The following TBC1D8 variants were observed in gnomAD, a reference collection of about 807,000 sequenced individuals.
TBC1D8 encodes the protein BUB2-like protein 1.
In TBC1D8, 65 loss-of-function variants were observed where a neutral mutation model predicts 118.8. The ratio of observed to expected loss-of-function variants is 0.55; its 90% CI spans 0.45 to 0.67. The LOEUF is 0.67. Ranked by LOEUF, TBC1D8 falls within the 30% of genes least tolerant of loss-of-function variation. The probability of loss-of-function intolerance (pLI) is 0.00; values close to 1 mark genes in which losing one functional copy is unlikely to be tolerated. For synonymous variants in TBC1D8, 566 were observed against 595.8 expected (o/e 0.95, Z 0.73); for missense variants, 1,376 against 1,471.2 (o/e 0.94, Z 1.06).
rs77974585 is a variant in TBC1D8 at position 101,059,938 on chromosome 2, CA to C, written c.284-400del. 4.7e-3 allele frequency among the ~76,000 whole-genome samples: 670 copies of C among 142,722 alleles called. 5 individuals are homozygous for C. Among genetic ancestry groups the C allele is most frequent in the African/African-American group, 0.012 (484 of 39,058 alleles). 93.6% of individuals were successfully genotyped at this position (142,722 alleles called of 152,430 possible). ...TGGGCGAGAGTGCGAGACTCCGTCTCAAAAAAAAAAAAATCTTGCCTCTCAT... is the reference window on the plus strand; with the variant it reads ...TGGGCGAGAGTGCGAGACTCCGTCTCAAAAAAAAAAAATCTTGCCTCTCAT... On this transcript the variant is annotated intron_variant, in intron 2 of 19. Transcript: ENST00000409318.
At chr2:101,136,674 T>C (rs1486512662) in intron 1 of TBC1D8, among the ~76,000 whole-genome samples, 1 of 152,172 alleles carries the variant, frequency 6.6e-6, no homozygotes, top group Non-Finnish European at 1.5e-5. Flanking sequence ...TGTGCATACA[T>C]ACAATTTTGG....
chr2:101,018,949 G>T (rs778075128), intron 17 of TBC1D8: 1 of 1,599,862 alleles, frequency 6.3e-7, no homozygotes, highest in Non-Finnish European at 8.5e-7. Context: ...CTCTTCGTCT[G>T]TGTGTTACCT....
intron 17 of TBC1D8, chr2:101,018,224 G>A (rs1679798239): frequency 7.6e-6 from 2 of 264,226 alleles, no homozygotes. Context: ...CATCACTAAT[G>A]AAACATTTGT....
intron 1 of TBC1D8, among the ~76,000 whole-genome samples, chr2:101,133,041 T>A (rs907154766): frequency 4.9e-4 from 74 of 151,130 alleles, no homozygotes; most frequent in African/African-American, 1.7e-3. Context: ...GCGCCTGTAA[T>A]CCCAGCTACT....
intron 1 of TBC1D8, among the ~76,000 whole-genome samples, chr2:101,117,771 T>A (rs1677892266): frequency 6.6e-6 from 1 of 151,740 alleles, no homozygotes; most frequent in South Asian, 2.1e-4. Context: ...GAGATGGGGT[T>A]TCACTCTGTC....
chr2:101,123,362 C>T (rs1048696174), intron 1 of TBC1D8, among the ~76,000 whole-genome samples: 2 of 152,166 alleles, frequency 1.3e-5, no homozygotes, highest in East Asian at 1.9e-4. Flanking sequence ...GCTAGGACTT[C>T]CAGCAGTATT....
intron 5 of TBC1D8, among the ~76,000 whole-genome samples, chr2:101,049,708 A>C (rs1034841960): frequency 6.6e-6 from 1 of 151,980 alleles, no homozygotes; most frequent in Non-Finnish European, 1.5e-5. Flanking sequence ...AGCCTGGGGG[A>C]CAGAGAGATT....
At chr2:101,040,955 A>C (rs1022418820) in intron 5 of TBC1D8, among the ~76,000 whole-genome samples, 35 of 152,362 alleles carry the variant, frequency 2.3e-4, no homozygotes, top group African/African-American at 7.7e-4. Context: ...TCACAGGCCA[A>C]ATAAGCATTC....
In TBC1D8 at chr2:101,037,547, G is replaced by T; in HGVS notation, c.1437C>A (p.Ser479Arg). ...VTAFQQSGSQ[S>R]PDSRMSREQI... ...CGTCACCCACCATTCGGGAGTCAGG[G>T]CTCTGGCTGCCTGACTGCTGGAAGG... The change falls in exon 8 of 20, where the codon AGC becomes AGA. Residue 479 changes from serine to arginine, a missense_variant. Physicochemically the swap from Ser to Arg is moderately radical, Grantham distance 110 (BLOSUM62 -1). Coordinates refer to ENST00000409318, the MANE Select transcript of TBC1D8 (RefSeq NM_001330348.2). 6.2e-7 allele frequency: 1 copy of T among 1,612,486 alleles called. No homozygotes were observed.
intron 11 of TBC1D8, 197 bp from the exon 12 acceptor site, chr2:101,029,973 AT>A: frequency 1.9e-6 from 1 of 532,736 alleles, no homozygotes. Context: ...TTTAAAAAAA[AT>A]ACTGCTTGAT....
chr2:101,124,293 A>G (rs1678259074), intron 1 of TBC1D8, among the ~76,000 whole-genome samples: 1 of 152,232 alleles, frequency 6.6e-6, no homozygotes, highest in African/African-American at 2.4e-5. Flanking sequence ...AAGAATTGTC[A>G]TGATTACATA....
At chr2:101,020,771 T>A (rs13389967) in intron 17 of TBC1D8, among the ~76,000 whole-genome samples, 28,006 of 152,060 alleles carry the variant, frequency 0.18, 2,771 homozygotes, top group Middle Eastern at 0.32. Context: ...CTGAGTAATA[T>A]TTTGAAATCT....
chr2:101,106,955 G>A (rs1677261984), intron 1 of TBC1D8, among the ~76,000 whole-genome samples: 1 of 152,248 alleles, frequency 6.6e-6, no homozygotes, highest in African/African-American at 2.4e-5. Flanking sequence ...TAAGGTGGGT[G>A]AGGCTAAGCT....
Position 101,007,804 on chromosome 2 carries a change from T to G in TBC1D8, c.*17A>C, listed in dbSNP as rs199637281. On this transcript the variant is annotated 3_prime_UTR_variant, in exon 20 of 20. Transcript: ENST00000409318. ...TTGGTATGGTGGACTCCAGTGTGCA[T>G]AGCAGCTGCTGTCTTGCTACAAGTT... 96 of 1,609,978 alleles carry G rather than the reference T, an allele frequency of 6.0e-5. No homozygotes were observed. The African/African-American group carries it at 1.1e-3, about 18-fold the overall frequency.
intron 1 of TBC1D8, among the ~76,000 whole-genome samples, chr2:101,137,730 C>A (rs993382717): frequency 2.0e-5 from 3 of 152,226 alleles, no homozygotes; most frequent in Non-Finnish European, 4.4e-5. Flanking sequence ...TTACCCCAGA[C>A]AAGACAGTAC....
At chr2:101,150,542 AG>A (rs1343775324) in intron 1 of TBC1D8, among the ~76,000 whole-genome samples, 1 of 152,160 alleles carries the variant, frequency 6.6e-6, no homozygotes, top group African/African-American at 2.4e-5. Context: ...ACTGAAAGAG[AG>A]GAAAAAACTG....
intron 2 of TBC1D8, among the ~76,000 whole-genome samples, chr2:101,062,298 G>A (rs559519525): frequency 1.3e-4 from 19 of 148,920 alleles, no homozygotes; most frequent in Non-Finnish European, 2.2e-4. Context: ...CTGTCACTCA[G>A]AATAAAGAAA....
At chr2:101,082,330 C>T (rs894236422) in intron 2 of TBC1D8, among the ~76,000 whole-genome samples, 1 of 152,060 alleles carries the variant, frequency 6.6e-6, no homozygotes, top group African/African-American at 2.4e-5. Context: ...GTAGAAATGG[C>T]AATGAAGTCT....
rs901446194 is a variant in TBC1D8 at position 101,040,462 on chromosome 2, T to C, written c.873-77A>G. ...GCCAAGATTACAAAGGAAAATACTTTTCCTTTTTTGTTTCATTTTATTTTT... is the reference window on the plus strand; with the variant it reads ...GCCAAGATTACAAAGGAAAATACTTCTCCTTTTTTGTTTCATTTTATTTTT... On this transcript the variant is annotated intron_variant, in intron 5 of 19. Coordinates refer to ENST00000409318, the MANE Select transcript of TBC1D8 (RefSeq NM_001330348.2). 11 of 1,403,986 alleles carry C rather than the reference T, an allele frequency of 7.8e-6. No homozygotes were observed. The East Asian group carries it at 2.8e-4, about 35-fold the overall frequency. The allele number at this position is 1,403,986 out of a possible 1,614,324, so 87.0% of individuals were successfully genotyped here.
Sources: gnomAD v4.1 joint callset for allele counts (sites outside exome capture counted in the v4.1 genomes callset) on GRCh38, gnomAD v4.1.1 for gene constraint, MANE v1.5 for transcripts, NCBI Gene and HGNC (gene_info 2026-07-23, HGNC 2026-07-21) for gene names.